The following SP100 variants were observed in gnomAD, a reference collection of about 807,000 sequenced individuals.
SP100 encodes the protein SP100 nuclear body protein.
In SP100, 84 loss-of-function variants were observed where a neutral mutation model predicts 130.0. The observed-to-expected ratio is 0.65, with a 90% CI of 0.54 to 0.77. The LOEUF (loss-of-function observed/expected upper bound fraction) is 0.77, where lower values mean the gene tolerates loss of function less well. Ranked by LOEUF, SP100 falls within the 30% of genes least tolerant of loss-of-function variation. SP100 has a pLI of 0.00. For missense variants in SP100, 978 were observed against 1,052.2 expected, an observed-to-expected ratio of 0.93 and a Z score of 0.97; for synonymous variants, 331 against 351.7, an observed-to-expected ratio of 0.94 and a Z score of 0.66.
At chr2:230,532,439 C>T (rs1447859066) in intron 24 of SP100, among the ~76,000 whole-genome samples, 1 of 151,690 alleles carries the variant, frequency 6.6e-6, no homozygotes, top group Admixed American at 6.6e-5. Context: ...TTGGCCTATC[C>T]TTAAGGAAAT....
intron 19 of SP100, among the ~76,000 whole-genome samples, chr2:230,499,925 G>C (rs981749746): frequency 6.6e-6 from 1 of 152,240 alleles, no homozygotes. Flanking sequence ...AGGCCTGGAG[G>C]TGGGGAAGGC....
intron 23 of SP100, chr2:230,510,397 C>G (rs1445412830): frequency 6.7e-6 from 1 of 149,916 alleles, no homozygotes; most frequent in Non-Finnish European, 1.5e-5. Flanking sequence ...AGACTCTGGG[C>G]CCTGTGGTCA....
intron 11 of SP100, among the ~76,000 whole-genome samples, chr2:230,465,766 A>G (rs143681027): frequency 1.5e-4 from 23 of 152,324 alleles, no homozygotes; most frequent in African/African-American, 5.5e-4. Flanking sequence ...AATTAATTAA[A>G]AAGAGGCATT....
intron 17 of SP100, among the ~76,000 whole-genome samples, chr2:230,475,365 T>C (rs1224374496): frequency 6.6e-6 from 1 of 152,202 alleles, no homozygotes; most frequent in African/African-American, 2.4e-5. Context: ...TCATGTCCTT[T>C]GCCCATTTTT....
rs751878053 is a variant in SP100 at position 230,541,338 on chromosome 2, C to T, written c.2369C>T (p.Ser790Leu). Residue 790 changes from serine to leucine, a missense_variant, in exon 27 of 29, where the codon TCG becomes TTG. Ser to Leu is a moderately radical substitution (Grantham distance 145). Coordinates refer to ENST00000340126, the MANE Select transcript of SP100 (RefSeq NM_001080391.2). ...EFLLLKVYCD[S>L]KSCFFASEPY... Reference sequence around the variant, plus strand: ...CTCCTCTTGAAGGTCTACTGTGATTCGAAAAGCTGCTTTTTCGCCTCAGAA... The same window carrying T: ...CTCCTCTTGAAGGTCTACTGTGATTTGAAAAGCTGCTTTTTCGCCTCAGAA... The T allele has an allele frequency of 2.4e-5, 38 of 1,613,818 alleles. No individual in the cohort carries two copies. Among genetic ancestry groups the T allele is most frequent in the Admixed American group, 3.3e-5 (2 of 59,980 alleles).
chr2:230,536,483 C>T (rs1401779550), intron 24 of SP100, among the ~76,000 whole-genome samples: 1 of 152,128 alleles, frequency 6.6e-6, no homozygotes, highest in African/African-American at 2.4e-5. Context: ...TCTCAGGAAA[C>T]CAACCGTCAG....
Position 230,539,529 on chromosome 2 carries a change from A to G in SP100, c.2210+147A>G, listed in dbSNP as rs1019579213. ...AGGCTCCTTAGCATCAAGATCCACA[A>G]GTATTATCCAGAGCTGTTGAACAGT... On this transcript the variant is annotated intron_variant, in intron 25 of 28. Transcript: ENST00000340126. 6 of 606,098 alleles carry G rather than the reference A, an allele frequency of 9.9e-6. No individual in the cohort carries two copies. The Admixed American group carries it at 1.4e-4, about 14-fold the overall frequency. The allele number at this position is 606,098 out of a possible 1,614,324, so 37.5% of individuals were successfully genotyped here. A position where few individuals can be genotyped will look rare whatever the true frequency, so the allele number is the denominator to read the frequency against.
At chr2:230,498,971 C>T (rs1281593153) in intron 19 of SP100, among the ~76,000 whole-genome samples, 1 of 152,156 alleles carries the variant, frequency 6.6e-6, no homozygotes, top group Non-Finnish European at 1.5e-5. Context: ...GTCAGTTAGA[C>T]AAGACTGGCT....
chr2:230,511,089 T>C, intron 23 of SP100, 36 bp from the exon 24 acceptor site: 1 of 1,443,856 alleles, frequency 6.9e-7, no homozygotes, highest in East Asian at 2.3e-5. Flanking sequence ...AAAATCACAC[T>C]CAATATTGTA....
chr2:230,427,630 TTC>T (rs2062973544), intron 2 of SP100, among the ~76,000 whole-genome samples: 2 of 152,198 alleles, frequency 1.3e-5, no homozygotes, highest in Non-Finnish European at 2.9e-5. Context: ...AGTACTTTTT[TTC>T]TTTCTTTTTT....
chr2:230,485,118 TA>T (rs1251952195), intron 17 of SP100, among the ~76,000 whole-genome samples: 1 of 151,412 alleles, frequency 6.6e-6, no homozygotes, highest in Non-Finnish European at 1.5e-5. Flanking sequence ...TATTTTATTT[TA>T]TTATTTATTT....
At chr2:230,438,825 G>A (rs754666119) in intron 2 of SP100, among the ~76,000 whole-genome samples, 3 of 151,806 alleles carry the variant, frequency 2.0e-5, no homozygotes, top group Admixed American at 6.6e-5. Flanking sequence ...TGCTATAAAC[G>A]CGTGTGCAAA....
At chr2:230,533,834 G>GT (rs1251273330) in intron 24 of SP100, among the ~76,000 whole-genome samples, 2 of 152,112 alleles carry the variant, frequency 1.3e-5, no homozygotes, top group Non-Finnish European at 2.9e-5. Context: ...ATAGAAGATT[G>GT]TAAAAGGTTT....
rs780277434 is a variant in SP100 at position 230,539,253 on chromosome 2, A to G, written c.2095-14A>G. On this transcript the variant is annotated splice_polypyrimidine_tract_variant and intron_variant, in intron 24 of 28. Transcript: ENST00000340126. Reference sequence around the variant, plus strand: ...TCTCACTGATCCCGGTGATGTCTACATCTCCCCTTCTAGCCGGAAAACTCA... The same window carrying G: ...TCTCACTGATCCCGGTGATGTCTACGTCTCCCCTTCTAGCCGGAAAACTCA... 3 of 1,576,810 alleles carry G rather than the reference A, an allele frequency of 1.9e-6. No homozygotes were observed. Among genetic ancestry groups the G allele is most frequent in the East Asian group, 2.2e-5 (1 of 44,694 alleles).
chr2:230,483,192 A>G lies in SP100; in HGVS notation c.1600+8745A>G, dbSNP rs2065911756. Among the ~76,000 whole-genome samples the G allele has an allele frequency of 1.3e-5, 2 of 152,230 alleles. 1 individual carries two copies. The highest frequency in any genetic ancestry group is 4.1e-4 in the South Asian group (2 of 4,832). ...AGTACATAATATTTCAGATAGTGAC[A>G]ATGTCATAAAGAAAAATAAAGAATA... On this transcript the variant is annotated intron_variant, in intron 17 of 28. Transcript: ENST00000340126.
chr2:230,462,285 T>C (rs1348161081), intron 9 of SP100, 150 bp from the exon 10 acceptor site: 2 of 580,868 alleles, frequency 3.4e-6, no homozygotes, highest in South Asian at 2.2e-5. Flanking sequence ...TGGAACAAAC[T>C]GCAGGTGGCA....
chr2:230,509,854 C>T (rs1367575284), intron 23 of SP100: 1 of 152,232 alleles, frequency 6.6e-6, no homozygotes, highest in African/African-American at 2.4e-5. Flanking sequence ...ATTGTGTTCA[C>T]TTGTTCATGC....
chr2:230,436,667 C>A (rs2063277296), intron 2 of SP100, among the ~76,000 whole-genome samples: 1 of 152,170 alleles, frequency 6.6e-6, no homozygotes, highest in Non-Finnish European at 1.5e-5. Flanking sequence ...TTCTTTATAG[C>A]AGTGTGAAAA....
chr2:230,472,111 G>T (rs1173441376), intron 15 of SP100, among the ~76,000 whole-genome samples: 3 of 151,996 alleles, frequency 2.0e-5, no homozygotes, highest in African/African-American at 7.2e-5. Flanking sequence ...TAAAGACAAA[G>T]ATTGAAATTG....
Sources: allele counts gnomAD v4.1 joint callset (sites outside exome capture counted in the v4.1 genomes callset), GRCh38; gene constraint gnomAD v4.1.1; transcripts MANE v1.5; gene names NCBI Gene and HGNC (gene_info 2026-07-23, HGNC 2026-07-21).